The following GDE1 variants were observed in gnomAD, a reference collection of about 807,000 sequenced individuals.
GDE1 encodes RGS16-interacting membrane protein.
In GDE1, 24 loss-of-function variants were observed where a neutral mutation model predicts 32.2. The observed-to-expected ratio is 0.75, with a 90% CI of 0.54 to 1.05. The LOEUF is 1.05. GDE1 is among the 50% of genes least tolerant of loss of function. GDE1 has a pLI of 0.00. For missense variants in GDE1, 380 were observed against 415.0 expected, an observed-to-expected ratio of 0.92 and a Z score of 0.73; for synonymous variants, 159 against 158.6, an observed-to-expected ratio of 1.00 and a Z score of -0.02.
intron 2 of GDE1, among the ~76,000 whole-genome samples, chr16:19,515,066 C>CAAAAAAAAA (rs67148636): frequency 1.2e-4 from 14 of 113,186 alleles, no homozygotes; most frequent in African/African-American, 2.2e-4. Context: ...AACTCCAACT[C>CAAAAAAAAA]AAAAAAAAAA....
At chr16:19,515,837 T>C (rs1969374087) in intron 2 of GDE1, among the ~76,000 whole-genome samples, 1 of 152,126 alleles carries the variant, frequency 6.6e-6, no homozygotes, top group Non-Finnish European at 1.5e-5. Context: ...GTCTGGATAA[T>C]TGATATTACA....
chr16:19,517,831 C>T (rs1287071170), intron 1 of GDE1, among the ~76,000 whole-genome samples: 1 of 152,126 alleles, frequency 6.6e-6, no homozygotes, highest in Non-Finnish European at 1.5e-5. Context: ...ATGTTTGCTT[C>T]CTTGGCTTCC....
chr16:19,520,737 AAAAG>A (rs774328610), intron 1 of GDE1, among the ~76,000 whole-genome samples: 2,328 of 146,376 alleles, frequency 0.016, 29 homozygotes, highest in Non-Finnish European at 0.025. Flanking sequence ...AAAAAAAAAA[AAAAG>A]AAGAAGAAGG....
At chr16:19,503,751 TG>T in intron 5 of GDE1, 134 bp from the exon 6 acceptor site, 1 of 696,726 alleles carries the variant, frequency 1.4e-6, no homozygotes, top group Non-Finnish European at 2.5e-6. Flanking sequence ...CTCTGCACTG[TG>T]ATCAGAGGGA....
rs1380904160 is a variant in GDE1, at chr16:19,513,705, CAG to C, written c.438-2763_438-2762del. On this transcript the variant is annotated intron_variant, in intron 2 of 5. Transcript: ENST00000353258. The stretch of plus-strand genomic sequence containing the variant: ...GGAGGAAGTAATTAACCATATTATC[CAG>C]AGTTTGCTGTACTTGGAACTGATAA... Among the ~76,000 whole-genome samples the C allele has an allele frequency of 7.2e-5, 11 of 152,204 alleles. No homozygotes were observed. In the East Asian group the frequency reaches 2.1e-3, roughly 29 times the overall value.
At chr16:19,512,501 A>G (rs1347218302) in intron 2 of GDE1, among the ~76,000 whole-genome samples, 3 of 152,306 alleles carry the variant, frequency 2.0e-5, no homozygotes, top group South Asian at 2.1e-4. Context: ...ATTTTCTCCT[A>G]TTCAACAGGT....
At position 19,521,729 on chromosome 16, in the gene GDE1, T is replaced by C; in HGVS notation, c.236A>G (p.Glu79Gly). The C allele has an allele frequency of 6.2e-7, 1 of 1,612,156 alleles. No individual in the cohort carries two copies. Among genetic ancestry groups the C allele is most frequent in the African/African-American group, 1.3e-5 (1 of 75,030 alleles). Residue 79 changes from glutamate to glycine, a missense_variant, in exon 1 of 6, where the codon GAG (glutamate) becomes GGG (glycine). Coordinates refer to ENST00000353258, the MANE Select transcript of GDE1 (RefSeq NM_016641.4). ...AHRGGSHDAP[E>G]NTLAAIRQAA... is the part of the protein sequence containing the mutation. ...CTGCCGAATGGCCGCCAGCGTGTTC[T>C]CGGGCGCGTCGTGGCTGCCGCCACG...
intron 2 of GDE1, among the ~76,000 whole-genome samples, chr16:19,515,891 C>T (rs900403992): frequency 1.3e-5 from 2 of 152,038 alleles, no homozygotes; most frequent in Non-Finnish European, 2.9e-5. Flanking sequence ...GCAAAGATGA[C>T]AAGCAGAGAG....
rs1371874928 is a variant in GDE1 at position 19,510,826 on chromosome 16, A to G, written c.543+13T>C. On this transcript the variant is annotated intron_variant, in intron 3 of 5. Coordinates refer to ENST00000353258, the MANE Select transcript of GDE1 (RefSeq NM_016641.4). Reference sequence around the variant, plus strand: ...TCTTTTTAACAAAGTGAAGTCCACAATTTAAACTGTACCTTGTGTGCATGG... The same window carrying G: ...TCTTTTTAACAAAGTGAAGTCCACAGTTTAAACTGTACCTTGTGTGCATGG... 1.5e-6 allele frequency: 2 copies of G among 1,362,410 alleles called. No individual in the cohort carries two copies. The highest frequency in any genetic ancestry group is 2.8e-5 in the South Asian group (2 of 70,232). The allele number at this position is 1,362,410 out of a possible 1,614,324, so 84.4% of individuals were successfully genotyped here.
intron 1 of GDE1, among the ~76,000 whole-genome samples, chr16:19,520,490 G>A (rs1442531708): frequency 6.6e-6 from 1 of 151,914 alleles, no homozygotes; most frequent in South Asian, 2.1e-4. Flanking sequence ...TTGGGAGGCC[G>A]AGGCGGGTGG....
chr16:19,505,233 A>C (rs1381481827), intron 4 of GDE1, 141 bp from the exon 5 acceptor site: 2 of 633,184 alleles, frequency 3.2e-6, no homozygotes, highest in Non-Finnish European at 2.8e-6. Flanking sequence ...TAAGTTCTCA[A>C]TCATAAACCC....
chr16:19,517,789 C>T (rs141694181), intron 1 of GDE1, among the ~76,000 whole-genome samples: 4 of 152,238 alleles, frequency 2.6e-5, no homozygotes, highest in Admixed American at 1.3e-4. Context: ...TTAAATTACA[C>T]GAGCCATGCT....
intron 5 of GDE1, 180 bp from the exon 6 acceptor site, chr16:19,503,797 T>C: frequency 1.8e-6 from 1 of 552,906 alleles, no homozygotes; most frequent in Non-Finnish European, 3.2e-6. Flanking sequence ...GAACCTCCTC[T>C]ACACTGTCCC....
At chr16:19,512,795 T>C (rs1969334112) in intron 2 of GDE1, among the ~76,000 whole-genome samples, 1 of 152,186 alleles carries the variant, frequency 6.6e-6, no homozygotes, top group Non-Finnish European at 1.5e-5. Flanking sequence ...GTTTACCCAG[T>C]ACCAGTTATT....
At chr16:19,513,592 G>A (rs1969345756) in intron 2 of GDE1, among the ~76,000 whole-genome samples, 1 of 152,088 alleles carries the variant, frequency 6.6e-6, no homozygotes, top group Non-Finnish European at 1.5e-5. Context: ...CAATTTGGAT[G>A]CCTTTTATTT....
At chr16:19,521,525 T>C in intron 1 of GDE1, 179 bp downstream of exon 1, 1 of 651,642 alleles carries the variant, frequency 1.5e-6, no homozygotes, top group Non-Finnish European at 2.6e-6. Context: ...CTTCTGTAAA[T>C]ATAAAACCTC....
chr16:19,517,457 T>G (rs1424964579), intron 1 of GDE1, among the ~76,000 whole-genome samples: 4 of 152,266 alleles, frequency 2.6e-5, no homozygotes. Flanking sequence ...CTTCAGGAAC[T>G]TATGTTTTCT....
At position 19,503,465 on chromosome 16, in the gene GDE1, A is replaced by G. The variant is rs747575581; in HGVS notation, c.*5T>C. On this transcript the variant is annotated 3_prime_UTR_variant, in exon 6 of 6. Transcript: ENST00000353258. Reference sequence around the variant, plus strand: ...TCTGAACCCGTTTCGTCCCACCGTGAAAGTCTAGAAGTGAGGTTCGCAGTC... The same window carrying G: ...TCTGAACCCGTTTCGTCCCACCGTGGAAGTCTAGAAGTGAGGTTCGCAGTC... The G allele has an allele frequency of 1.2e-6, 2 of 1,612,992 alleles. No individual in the cohort carries two copies. The highest frequency in any genetic ancestry group is 1.7e-5 in the Admixed American group (1 of 59,798).
At chr16:19,517,345 T>A (rs1969394703) in intron 1 of GDE1, among the ~76,000 whole-genome samples, 156 bp from the exon 2 acceptor site, 1 of 152,238 alleles carries the variant, frequency 6.6e-6, no homozygotes, top group South Asian at 2.1e-4. Flanking sequence ...GATCTGTTTC[T>A]GTTTTCTGTG....
Sources: allele counts gnomAD v4.1 joint callset (sites outside exome capture counted in the v4.1 genomes callset), GRCh38; gene constraint gnomAD v4.1.1; transcripts MANE v1.5; gene names NCBI Gene and HGNC (gene_info 2026-07-23, HGNC 2026-07-21).